EPB41L4A: variants seen among roughly 807,000 people sequenced by gnomAD.
EPB41L4A encodes erythrocyte membrane protein band 4.1 like 4A, also known as band 4.1-like protein 4A.
In EPB41L4A, 100 loss-of-function variants were observed where a neutral mutation model predicts 108.6. The observed-to-expected ratio is 0.92, with a 90% CI of 0.78 to 1.09. The LOEUF (loss-of-function observed/expected upper bound fraction) is 1.09, where lower values mean the gene tolerates loss of function less well. Among genes scored for constraint, EPB41L4A ranks in the 50% least tolerant of loss-of-function variants. EPB41L4A has a pLI of 0.00. For synonymous variants in EPB41L4A, 319 were observed against 289.0 expected (o/e 1.10, Z -1.05); for missense variants, 1,030 against 842.7 (o/e 1.22, Z -2.75).
chr5:112,412,811 T>C (rs974552756), intron 1 of EPB41L4A, among the ~76,000 whole-genome samples: 3 of 152,214 alleles, frequency 2.0e-5, no homozygotes, highest in South Asian at 2.1e-4. Flanking sequence ...TGCAGCCAGT[T>C]TGATCTCTGA....
chr5:112,348,752 A>T (rs1009085118), intron 1 of EPB41L4A, among the ~76,000 whole-genome samples: 6 of 152,232 alleles, frequency 3.9e-5, no homozygotes, highest in African/African-American at 7.2e-5. Context: ...AGAACCACAT[A>T]TGTGCAAATC....
downstream of EPB41L4A, chr5:112,161,848 G>C (rs1216636563): frequency 3.4e-6 from 1 of 292,562 alleles, no homozygotes; most frequent in East Asian, 9.2e-5. Context: ...TCCTTCTCTA[G>C]TGAGTTTTAA....
chr5:112,166,268 ATG>A (rs1278744504), intron 22 of EPB41L4A, among the ~76,000 whole-genome samples: 2 of 152,246 alleles, frequency 1.3e-5, no homozygotes. Flanking sequence ...TACCTTAAAA[ATG>A]TACCTTTCCA....
chr5:112,341,684 G>A (rs934119949), intron 1 of EPB41L4A, among the ~76,000 whole-genome samples: 8 of 152,060 alleles, frequency 5.3e-5, no homozygotes, highest in Admixed American at 3.3e-4. Flanking sequence ...GGCTGAGGCA[G>A]GTGGATCACT....
At chr5:112,367,866 A>AC (rs1759234810) in intron 1 of EPB41L4A, among the ~76,000 whole-genome samples, 1 of 152,210 alleles carries the variant, frequency 6.6e-6, no homozygotes, top group Non-Finnish European at 1.5e-5. Flanking sequence ...AACAAACTGA[A>AC]TTGCCTGCTC....
intron 17 of EPB41L4A, among the ~76,000 whole-genome samples, chr5:112,185,175 T>A (rs1297875952): frequency 6.6e-6 from 1 of 151,680 alleles, no homozygotes; most frequent in Non-Finnish European, 1.5e-5. Flanking sequence ...AGAAAACTGC[T>A]CCAGAGTGTT....
chr5:112,271,598 A>G (rs1241172961), intron 4 of EPB41L4A, among the ~76,000 whole-genome samples: 2 of 152,216 alleles, frequency 1.3e-5, no homozygotes, highest in Non-Finnish European at 2.9e-5. Context: ...TGTCTTTTAA[A>G]CAAATGTATG....
intron 1 of EPB41L4A, among the ~76,000 whole-genome samples, chr5:112,338,323 G>A (rs1341377393): frequency 6.6e-6 from 1 of 152,018 alleles, no homozygotes; most frequent in African/African-American, 2.4e-5. Flanking sequence ...TACTTTCTTT[G>A]TGGGGAGCCC....
intron 1 of EPB41L4A, among the ~76,000 whole-genome samples, chr5:112,368,827 T>C (rs1759305792): frequency 6.6e-6 from 1 of 152,142 alleles, no homozygotes; most frequent in Non-Finnish European, 1.5e-5. Context: ...TTCTGCCCAC[T>C]CCTTCAATGC....
downstream of EPB41L4A, among the ~76,000 whole-genome samples, chr5:112,160,037 A>G (rs1759798312): frequency 1.3e-5 from 2 of 149,152 alleles, no homozygotes; most frequent in Non-Finnish European, 3.0e-5. Flanking sequence ...CAGCCTCCCA[A>G]GTAGCTGGGA....
intron 1 of EPB41L4A, among the ~76,000 whole-genome samples, chr5:112,322,737 C>T (rs1247062061): frequency 1.3e-5 from 2 of 151,726 alleles, no homozygotes; most frequent in African/African-American, 4.8e-5. Flanking sequence ...CTCACACACA[C>T]ACCCCACACA....
intron 1 of EPB41L4A, among the ~76,000 whole-genome samples, chr5:112,410,486 G>GT: frequency 1.3e-5 from 2 of 152,264 alleles, no homozygotes; most frequent in Middle Eastern, 3.4e-3. Context: ...GAAAACAGGG[G>GT]AAAAGAAACA....
chr5:112,152,499 C>T (rs1224956992), intron 12 of EPB41L4A, among the ~76,000 whole-genome samples: 1 of 152,116 alleles, frequency 6.6e-6, no homozygotes, highest in Non-Finnish European at 1.5e-5. Flanking sequence ...TATAAAAAGG[C>T]TTGAGGGAGC....
chr5:112,196,665 T>C (rs1258873862), intron 15 of EPB41L4A: 1 of 152,146 alleles, frequency 6.6e-6, no homozygotes, highest in Non-Finnish European at 1.5e-5. Context: ...TTTGGCAAAA[T>C]CCCAGGCATG....
intron 1 of EPB41L4A, among the ~76,000 whole-genome samples, chr5:112,379,036 C>CA (rs1759999424): frequency 6.6e-6 from 1 of 152,084 alleles, no homozygotes; most frequent in African/African-American, 2.4e-5. Context: ...TGCACATACA[C>CA]AAACACCTTT....
intron 9 of EPB41L4A, among the ~76,000 whole-genome samples, chr5:112,253,936 GACAA>G (rs1263795796): frequency 3.9e-5 from 6 of 152,128 alleles, no homozygotes; most frequent in East Asian, 1.9e-4. Flanking sequence ...TGCGCTTGTT[GACAA>G]ACAGTGATGA....
intron 2 of EPB41L4A, among the ~76,000 whole-genome samples, chr5:112,295,268 C>A (rs889789846): frequency 6.6e-6 from 1 of 152,152 alleles, no homozygotes; most frequent in African/African-American, 2.4e-5. Context: ...GGGAATGACA[C>A]CCAAGATTCT....
intron 1 of EPB41L4A, among the ~76,000 whole-genome samples, chr5:112,339,070 G>C (rs773781849): frequency 6.6e-6 from 1 of 152,136 alleles, no homozygotes; most frequent in Non-Finnish European, 1.5e-5. Context: ...ATGAATGCAA[G>C]AGATACTGGA....
chr5:112,182,578 T>C (rs1259320524), intron 18 of EPB41L4A, among the ~76,000 whole-genome samples: 5 of 152,206 alleles, frequency 3.3e-5, no homozygotes, highest in Non-Finnish European at 7.3e-5. Context: ...GCTTTAGAAA[T>C]AGTTAGAAAA....
Sources: allele counts gnomAD v4.1 joint callset (sites outside exome capture counted in the v4.1 genomes callset), GRCh38; gene constraint gnomAD v4.1.1; transcripts MANE v1.5; gene names NCBI Gene and HGNC (gene_info 2026-07-23, HGNC 2026-07-21).